Variants in CDC42BPA observed in about 807,000 individuals in gnomAD.
CDC42BPA encodes CDC42 binding protein kinase alpha, also known as serine/threonine-protein kinase MRCK alpha.
In CDC42BPA, 80 loss-of-function variants were observed where a neutral mutation model predicts 223.5. The observed-to-expected ratio is 0.36, with a 90% CI of 0.30 to 0.43. The LOEUF (loss-of-function observed/expected upper bound fraction) is 0.43, where lower values mean the gene tolerates loss of function less well. Among genes scored for constraint, CDC42BPA ranks in the 20% least tolerant of loss-of-function variants. CDC42BPA has a pLI of 1.00. For missense variants in CDC42BPA, 1,743 were observed against 2,099.9 expected, an observed-to-expected ratio of 0.83 and a Z score of 3.32; for synonymous variants, 694 against 718.6, an observed-to-expected ratio of 0.97 and a Z score of 0.55.
intron 2 of CDC42BPA, among the ~76,000 whole-genome samples, chr1:227,218,688 G>A (rs1312056974): frequency 6.6e-6 from 1 of 152,138 alleles, no homozygotes; most frequent in Non-Finnish European, 1.5e-5. Flanking sequence ...GTACTGAAGA[G>A]CTCTTCCCAT....
At chr1:227,187,673 C>CA (rs1558708358) in intron 5 of CDC42BPA, among the ~76,000 whole-genome samples, 1 of 3,248 alleles carries the variant, frequency 3.1e-4, no homozygotes, top group African/African-American at 1.7e-3. Flanking sequence ...ATAAATGGCA[C>CA]CCCCCACCCC....
intron 35 of CDC42BPA, among the ~76,000 whole-genome samples, chr1:227,003,697 C>T (rs1335451592): frequency 6.6e-6 from 1 of 152,166 alleles, no homozygotes; most frequent in African/African-American, 2.4e-5. Context: ...CAAAAAGCTG[C>T]TCCGCGACAG....
At chr1:227,238,687 A>G (rs1185348972) in intron 2 of CDC42BPA, among the ~76,000 whole-genome samples, 1 of 152,232 alleles carries the variant, frequency 6.6e-6, no homozygotes, top group Non-Finnish European at 1.5e-5. Flanking sequence ...GGTTAATATC[A>G]TAAGAAAGCT....
chr1:227,136,936 A>C (rs1376799811), intron 10 of CDC42BPA, among the ~76,000 whole-genome samples: 1 of 152,206 alleles, frequency 6.6e-6, no homozygotes, highest in African/African-American at 2.4e-5. Flanking sequence ...TTCCAGATAG[A>C]AACATGGATC....
intron 1 of CDC42BPA, among the ~76,000 whole-genome samples, chr1:227,265,781 AT>A (rs1684893485): frequency 6.6e-6 from 1 of 152,162 alleles, no homozygotes; most frequent in African/African-American, 2.4e-5. Flanking sequence ...AAAATAAAAC[AT>A]TTTTAAGTGA....
intron 1 of CDC42BPA, among the ~76,000 whole-genome samples, chr1:227,254,834 T>C (rs183956349): frequency 5.1e-4 from 77 of 152,314 alleles, no homozygotes; most frequent in African/African-American, 1.5e-3. Context: ...AGATAACAGA[T>C]AAATTGAACC....
chr1:227,212,645 G>A (rs1007109775), intron 3 of CDC42BPA, among the ~76,000 whole-genome samples: 1 of 152,016 alleles, frequency 6.6e-6, no homozygotes, highest in South Asian at 2.1e-4. Flanking sequence ...ACATAAAAAT[G>A]CAGGCAGTTC....
intron 23 of CDC42BPA, among the ~76,000 whole-genome samples, chr1:227,047,593 C>T (rs1003552032): frequency 1.3e-5 from 2 of 150,244 alleles, no homozygotes; most frequent in South Asian, 2.1e-4. Context: ...TTTCACTAAA[C>T]GTTTTTCTTT....
intron 32 of CDC42BPA, among the ~76,000 whole-genome samples, chr1:227,021,475 T>C (rs1470261485): frequency 2.0e-5 from 3 of 152,176 alleles, no homozygotes; most frequent in Admixed American, 6.6e-5. Context: ...AGTCTTACCA[T>C]AGACTTCTGC....
chr1:227,075,760 A>G (rs946352139), intron 17 of CDC42BPA, among the ~76,000 whole-genome samples: 2 of 152,126 alleles, frequency 1.3e-5, no homozygotes, highest in African/African-American at 2.4e-5. Context: ...ATATAGTAAC[A>G]ATAAAGAAAA....
At chr1:227,086,013 T>C (rs907059794) in intron 16 of CDC42BPA, among the ~76,000 whole-genome samples, 5 of 152,252 alleles carry the variant, frequency 3.3e-5, no homozygotes, top group Admixed American at 3.3e-4. Flanking sequence ...CTGATTTCTC[T>C]AGGCATCACT....
chr1:227,139,358 G>A (rs756225924), intron 10 of CDC42BPA, among the ~76,000 whole-genome samples: 7 of 152,064 alleles, frequency 4.6e-5, no homozygotes, highest in Non-Finnish European at 8.8e-5. Flanking sequence ...ACATAAATAT[G>A]TACCCACAGG....
chr1:227,193,390 T>C (rs772188115), intron 5 of CDC42BPA, among the ~76,000 whole-genome samples: 7 of 151,368 alleles, frequency 4.6e-5, no homozygotes, highest in African/African-American at 1.7e-4. Flanking sequence ...ATTTAGGGGG[T>C]ACAAGTGCAG....
chr1:227,089,627 GT>G (rs72110440), intron 16 of CDC42BPA, among the ~76,000 whole-genome samples: 19,919 of 116,660 alleles, frequency 0.17, 1,385 homozygotes, highest in East Asian at 0.21. Flanking sequence ...GGGTAATTCC[GT>G]TTTTTTTTTT....
intron 8 of CDC42BPA, 28 bp downstream of exon 8, chr1:227,145,461 C>G (rs886416026): frequency 1.9e-6 from 3 of 1,592,940 alleles, no homozygotes; most frequent in South Asian, 1.1e-5. Flanking sequence ...AACAGAGGGA[C>G]AGAACTTCTT....
rs922408596 is a variant in CDC42BPA at position 227,042,297 on chromosome 1, G to GAGATATATATAT, written c.3094-2062_3094-2061insATATATATATCT. 1.0e-3 allele frequency among the ~76,000 whole-genome samples: 154 copies of GAGATATATATAT among 147,692 alleles called. 2 individuals carry two copies. The highest frequency in any genetic ancestry group is 3.5e-3 in the Middle Eastern group (1 of 286). On this transcript the variant is annotated intron_variant, in intron 23 of 36. Transcript: ENST00000366766. ...TCCCGAATTGCACATATACATATAT[G>GAGATATATATAT]ATATATATATATATATATCATACAC...
At chr1:227,097,842 C>T (rs1684295438) in intron 15 of CDC42BPA, among the ~76,000 whole-genome samples, 2 of 152,122 alleles carry the variant, frequency 1.3e-5, no homozygotes, top group African/African-American at 4.8e-5. Context: ...TGTGGACAGC[C>T]CACCCCAAGG....
At chr1:226,999,121 G>A (rs1662251134) in intron 35 of CDC42BPA, among the ~76,000 whole-genome samples, 1 of 150,988 alleles carries the variant, frequency 6.6e-6, no homozygotes, top group South Asian at 2.1e-4. Context: ...TTAGAATGGT[G>A]ATCATTAAAA....
At chr1:227,115,901 T>C (rs560537099) in intron 12 of CDC42BPA, among the ~76,000 whole-genome samples, 3 of 151,812 alleles carry the variant, frequency 2.0e-5, no homozygotes, top group South Asian at 2.1e-4. Context: ...ATCTCACTTA[T>C]AAAAAACAGT....
Sources: gnomAD v4.1 joint callset for allele counts (sites outside exome capture counted in the v4.1 genomes callset) on GRCh38, gnomAD v4.1.1 for gene constraint, MANE v1.5 for transcripts, NCBI Gene and HGNC (gene_info 2026-07-23, HGNC 2026-07-21) for gene names.